Variants in ARSG observed in about 807,000 individuals in gnomAD.
ARSG encodes ASG.
Under a neutral mutation model 50.5 loss-of-function variants are expected in ARSG, and 37 were observed. The observed-to-expected ratio is 0.73, with a 90% CI of 0.56 to 0.96. The LOEUF is 0.96. Ranked by LOEUF, ARSG falls within the 50% of genes least tolerant of loss-of-function variation. The pLI, the probability that ARSG is intolerant of heterozygous loss-of-function variation, is 0.00. For missense variants in ARSG, 629 were observed against 675.3 expected, an observed-to-expected ratio of 0.93 and a Z score of 0.76; for synonymous variants, 225 against 254.6, an observed-to-expected ratio of 0.88 and a Z score of 1.11.
chr17:68,432,175 G>A, the ARSG span, among the ~76,000 whole-genome samples: 3 of 152,180 alleles, frequency 2.0e-5, no homozygotes, highest in Admixed American at 2.0e-4. Context: ...ATGAAGGAGC[G>A]AGAAGGGAGC....
At chr17:68,333,673 T>TAATAAA (rs894206591) in intron 2 of ARSG, among the ~76,000 whole-genome samples, 3 of 133,502 alleles carry the variant, frequency 2.2e-5, no homozygotes, top group African/African-American at 5.4e-5. Context: ...ATAATAATAA[T>TAATAAA]AAAAGAGTAA....
intron 5 of ARSG, among the ~76,000 whole-genome samples, chr17:68,352,093 G>C (rs2078798736): frequency 9.5e-6 from 1 of 105,814 alleles, no homozygotes; most frequent in Non-Finnish European, 1.9e-5. Context: ...ACAGAGGAGA[G>C]AGAGAGAGAG....
At chr17:68,337,275 C>G (rs142722705) in intron 2 of ARSG, among the ~76,000 whole-genome samples, 234 of 152,244 alleles carry the variant, frequency 1.5e-3, no homozygotes, top group Non-Finnish European at 2.9e-3. Flanking sequence ...CACATGAAGT[C>G]TGAACTGGAA....
At chr17:68,347,201 T>A (rs2078554018) in intron 4 of ARSG, 29 bp downstream of exon 4, 2 of 1,607,744 alleles carry the variant, frequency 1.2e-6, no homozygotes, top group Non-Finnish European at 1.7e-6. Context: ...ATTTGTTACC[T>A]GGGAAACAGA....
rs568452973 is a variant in ARSG at position 68,273,714 on chromosome 17, A to T, written c.-552+14288A>T. 1.1e-4 allele frequency among the ~76,000 whole-genome samples: 17 copies of T among 152,340 alleles called. 1 individual carries two copies. In the South Asian group the frequency reaches 3.3e-3, roughly 30 times the overall value. ...GAAATTATCATCATCTTTGGTGAAGATCAAACAAAAACCCTTGGGCACTTG... is the reference window on the plus strand; with the variant it reads ...GAAATTATCATCATCTTTGGTGAAGTTCAAACAAAAACCCTTGGGCACTTG... On this transcript the variant is annotated intron_variant, in intron 1 of 11. Transcript: ENST00000448504.
At chr17:68,374,817 T>C (rs1356705786) in intron 8 of ARSG, among the ~76,000 whole-genome samples, 2 of 144,846 alleles carry the variant, frequency 1.4e-5, no homozygotes, top group Non-Finnish European at 3.0e-5. Flanking sequence ...ATTGCACCAC[T>C]GCACTCCAGC....
At chr17:68,400,273 C>G (rs74315846) in intron 10 of ARSG, 16,332 of 152,298 alleles carry the variant, frequency 0.11, 2,201 homozygotes, top group African/African-American at 0.31. Context: ...CTTTCACATC[C>G]TTCCCTCGAG....
At chr17:68,324,817 G>A (rs1361569740) in intron 2 of ARSG, among the ~76,000 whole-genome samples, 8 of 152,282 alleles carry the variant, frequency 5.3e-5, no homozygotes, top group South Asian at 2.1e-4. Flanking sequence ...ATAAGACAAC[G>A]CTAATGCCTA....
chr17:68,394,018 G>A (rs1568569500), intron 9 of ARSG, among the ~76,000 whole-genome samples: 4 of 151,532 alleles, frequency 2.6e-5, no homozygotes, highest in Admixed American at 2.6e-4. Flanking sequence ...GTCTCAAACC[G>A]GCCATTGTTC....
At chr17:68,437,446 T>A in the ARSG span, among the ~76,000 whole-genome samples, 3 of 151,882 alleles carry the variant, frequency 2.0e-5, no homozygotes, top group Admixed American at 2.0e-4. Context: ...TCCCAGCTAC[T>A]CGGGAGGCTG....
intron 7 of ARSG, among the ~76,000 whole-genome samples, chr17:68,369,656 C>G (rs908406160): frequency 8.5e-5 from 13 of 152,116 alleles, no homozygotes; most frequent in African/African-American, 2.7e-4. Flanking sequence ...GGGGGAATTC[C>G]CTTAATCTCT....
chr17:68,293,535 G>A (rs149539688), intron 1 of ARSG, among the ~76,000 whole-genome samples: 199 of 151,856 alleles, frequency 1.3e-3, no homozygotes, highest in African/African-American at 4.4e-3. Flanking sequence ...TGTTACTAAT[G>A]TGTTACTATT....
At position 68,387,329 on chromosome 17, in the gene ARSG, A is replaced by C. The variant is rs565589524; in HGVS notation, c.1091+2157A>C. Among the ~76,000 whole-genome samples the C allele has an allele frequency of 1.6e-4, 24 of 152,094 alleles. No homozygotes were observed. In the South Asian group the frequency reaches 5.0e-3, roughly 32 times the overall value. On this transcript the variant is annotated intron_variant, in intron 9 of 11. Coordinates refer to ENST00000621439, the MANE Select transcript of ARSG (RefSeq NM_001267727.2). ...TTTTTTGTAGGCATGGGGACTCTTAATGTTGCCCAGGCTGGTGTTGAACTC... is the reference window on the plus strand; with the variant it reads ...TTTTTTGTAGGCATGGGGACTCTTACTGTTGCCCAGGCTGGTGTTGAACTC...
intron 2 of ARSG, among the ~76,000 whole-genome samples, chr17:68,336,077 T>C (rs2078004372): frequency 6.6e-6 from 1 of 151,574 alleles, no homozygotes; most frequent in Non-Finnish European, 1.5e-5. Flanking sequence ...TTTTGTATTT[T>C]TAGTAGAGAC....
At chr17:68,363,710 A>G (rs1032347467) in intron 6 of ARSG, among the ~76,000 whole-genome samples, 6 of 152,020 alleles carry the variant, frequency 3.9e-5, no homozygotes, top group Non-Finnish European at 2.9e-5. Context: ...TAGGTGATCC[A>G]ACTGCCTCGG....
Position 68,260,218 on chromosome 17 carries a change from GC to G in ARSG, c.-552+793del, listed in dbSNP as rs1193780665. Among the ~76,000 whole-genome samples, 10 of 152,312 alleles carry G rather than the reference GC, an allele frequency of 6.6e-5. No homozygotes were observed. The East Asian group carries it at 1.9e-3, about 29-fold the overall frequency. On this transcript the variant is annotated intron_variant, in intron 1 of 11. Coordinates refer to the ARSG transcript ENST00000448504. Reference sequence around the variant, plus strand: ...AAGCCTGCAGCAGCCGAGTAAACTTGCTTGTTGTTTAACCAATGGCAAAAAT... The same window carrying G: ...AAGCCTGCAGCAGCCGAGTAAACTTGTTGTTGTTTAACCAATGGCAAAAAT...
intron 11 of ARSG, among the ~76,000 whole-genome samples, chr17:68,403,746 A>C (rs569528606): frequency 6.6e-6 from 1 of 152,282 alleles, no homozygotes; most frequent in South Asian, 2.1e-4. Context: ...TCTAGGGTAC[A>C]TGTGCACAAC....
intron 1 of ARSG, among the ~76,000 whole-genome samples, chr17:68,283,875 T>C (rs1555753626): frequency 4.1e-5 from 2 of 48,532 alleles, no homozygotes; most frequent in African/African-American, 6.6e-5. Context: ...CAAAACTCCG[T>C]CTCAAAAAAA....
At chr17:68,435,681 C>T in the ARSG span, 31 of 1,614,044 alleles carry the variant, frequency 1.9e-5, no homozygotes, top group South Asian at 3.4e-4. Context: ...AGCTAGTGTT[C>T]CCTCATGGGC....
Sources: gnomAD v4.1 joint callset for allele counts (sites outside exome capture counted in the v4.1 genomes callset) on GRCh38, gnomAD v4.1.1 for gene constraint, MANE v1.5 for transcripts, NCBI Gene and HGNC (gene_info 2026-07-23, HGNC 2026-07-21) for gene names.